Variants in GABRB1 observed in about 807,000 individuals in gnomAD.
GABRB1 encodes the protein gamma-aminobutyric acid receptor subunit beta-1.
Under a neutral mutation model 51.6 loss-of-function variants are expected in GABRB1, and 17 were observed. The observed-to-expected ratio is 0.33, with a 90% CI of 0.23 to 0.49. The LOEUF (loss-of-function observed/expected upper bound fraction) is 0.49, where lower values mean the gene tolerates loss of function less well. Ranked by LOEUF, GABRB1 falls within the 20% of genes least tolerant of loss-of-function variation. The pLI is 0.99. For synonymous variants in GABRB1, 247 were observed against 218.9 expected (o/e 1.13, Z -1.14); for missense variants, 410 against 600.6 (o/e 0.68, Z 3.32).
chr4:47,101,174 T>C (rs146662638), intron 3 of GABRB1, among the ~76,000 whole-genome samples: 1 of 152,168 alleles, frequency 6.6e-6, no homozygotes, highest in Non-Finnish European at 1.5e-5. Flanking sequence ...CTAGACTCCA[T>C]GCCCAGTGTA....
At chr4:47,405,724 C>T (rs556292895) in intron 7 of GABRB1, among the ~76,000 whole-genome samples, 95 of 152,238 alleles carry the variant, frequency 6.2e-4, no homozygotes, top group African/African-American at 2.1e-3. Context: ...AACTGTACAA[C>T]ACTATACAAA....
chr4:47,111,523 T>G (rs1715209399), intron 3 of GABRB1, among the ~76,000 whole-genome samples: 1 of 152,134 alleles, frequency 6.6e-6, no homozygotes, highest in Middle Eastern at 3.2e-3. Context: ...TTGAAATCGG[T>G]GCCTAATCTG....
chr4:47,145,558 G>T (rs76625975), intron 3 of GABRB1, among the ~76,000 whole-genome samples: 2,206 of 152,088 alleles, frequency 0.015, 50 homozygotes, highest in African/African-American at 0.051. Flanking sequence ...GAGAGAGATT[G>T]TTCTGTGAGT....
intron 4 of GABRB1, among the ~76,000 whole-genome samples, chr4:47,298,089 C>T (rs1380042992): frequency 6.6e-6 from 1 of 152,094 alleles, no homozygotes; most frequent in Non-Finnish European, 1.5e-5. Context: ...TGGGACGTAT[C>T]TCAAAATAAT....
At chr4:47,289,252 C>A (rs1723634778) in intron 4 of GABRB1, among the ~76,000 whole-genome samples, 1 of 151,992 alleles carries the variant, frequency 6.6e-6, no homozygotes, top group African/African-American at 2.4e-5. Flanking sequence ...TTTATTTGTG[C>A]CAGTTTTTGT....
intron 5 of GABRB1, among the ~76,000 whole-genome samples, chr4:47,382,809 T>C (rs563043585): frequency 1.3e-5 from 2 of 152,266 alleles, no homozygotes; most frequent in South Asian, 2.1e-4. Context: ...ACATCAGAAA[T>C]AAAGCCTTCA....
intron 5 of GABRB1, among the ~76,000 whole-genome samples, chr4:47,388,351 G>A (rs1010231338): frequency 2.0e-5 from 3 of 152,152 alleles, no homozygotes; most frequent in African/African-American, 7.2e-5. Flanking sequence ...CCGGGCTCTA[G>A]AAAAGTCACT....
chr4:47,412,590 G>A (rs1412523576), intron 8 of GABRB1, among the ~76,000 whole-genome samples: 1 of 152,132 alleles, frequency 6.6e-6, no homozygotes, highest in Non-Finnish European at 1.5e-5. Context: ...ATTTTGAAAT[G>A]GCACTGTTCG....
intron 3 of GABRB1, among the ~76,000 whole-genome samples, chr4:47,082,747 G>A (rs557247310): frequency 6.6e-6 from 1 of 151,976 alleles, no homozygotes; most frequent in Non-Finnish European, 1.5e-5. Context: ...GAAATGCTCT[G>A]CAATATATTT....
chr4:47,099,506 C>T (rs1714629646), intron 3 of GABRB1, among the ~76,000 whole-genome samples: 4 of 152,028 alleles, frequency 2.6e-5, no homozygotes, highest in Admixed American at 2.6e-4. Flanking sequence ...TTCATAATGA[C>T]CATTAAAATT....
At chr4:47,259,729 T>C (rs1722352087) in intron 4 of GABRB1, among the ~76,000 whole-genome samples, 1 of 152,206 alleles carries the variant, frequency 6.6e-6, no homozygotes, top group South Asian at 2.1e-4. Flanking sequence ...TTTAATACTA[T>C]AAACTTCATA....
intron 5 of GABRB1, among the ~76,000 whole-genome samples, chr4:47,346,569 C>T (rs767898961): frequency 6.6e-6 from 1 of 152,138 alleles, no homozygotes; most frequent in Non-Finnish European, 1.5e-5. Context: ...AACATCATTG[C>T]TGATGAAAAT....
chr4:47,000,242 T>A (rs1465115872), intron 1 of GABRB1, among the ~76,000 whole-genome samples: 1 of 152,130 alleles, frequency 6.6e-6, no homozygotes, highest in Non-Finnish European at 1.5e-5. Flanking sequence ...TGAACAAATT[T>A]GCATGAAAAA....
chr4:47,008,330 A>C (rs1009472090), intron 1 of GABRB1, among the ~76,000 whole-genome samples: 1 of 152,206 alleles, frequency 6.6e-6, no homozygotes, highest in Non-Finnish European at 1.5e-5. Flanking sequence ...TAAATGGTAA[A>C]TAAGACGTGG....
chr4:47,329,831 A>C (rs534631797), intron 5 of GABRB1, among the ~76,000 whole-genome samples: 12 of 151,664 alleles, frequency 7.9e-5, no homozygotes, highest in Non-Finnish European at 2.9e-5. Context: ...GATAAGATAT[A>C]TATCTATATA....
intron 3 of GABRB1, among the ~76,000 whole-genome samples, chr4:47,070,277 C>T (rs1727273438): frequency 3.3e-5 from 5 of 152,202 alleles, no homozygotes; most frequent in Middle Eastern, 6.8e-3. Flanking sequence ...CTCGTGAGAT[C>T]CACCTGCCTT....
intron 5 of GABRB1, among the ~76,000 whole-genome samples, chr4:47,370,285 G>A (rs367836097): frequency 6.6e-6 from 1 of 152,054 alleles, no homozygotes; most frequent in African/African-American, 2.4e-5. Context: ...TCAGGAGTTC[G>A]AGACCAGCCT....
chr4:47,051,392 T>C (rs1345217201), intron 3 of GABRB1, among the ~76,000 whole-genome samples: 1 of 152,130 alleles, frequency 6.6e-6, no homozygotes, highest in East Asian at 1.9e-4. Context: ...TGGAGACAAA[T>C]AAAACTGAGA....
intron 5 of GABRB1, among the ~76,000 whole-genome samples, chr4:47,350,365 T>C (rs1046151232): frequency 3.3e-5 from 5 of 150,932 alleles, no homozygotes; most frequent in Admixed American, 6.6e-5. Flanking sequence ...TTAATATATA[T>C]TAATTTATCA....
Sources: allele counts gnomAD v4.1 joint callset (sites outside exome capture counted in the v4.1 genomes callset), GRCh38; gene constraint gnomAD v4.1.1; transcripts MANE v1.5; gene names NCBI Gene and HGNC (gene_info 2026-07-23, HGNC 2026-07-21).